The following CACNA1E variants were observed in gnomAD, a reference collection of about 807,000 sequenced individuals.
CACNA1E encodes the protein voltage-dependent R-type calcium channel subunit alpha-1E.
CACNA1E carries 40 observed loss-of-function variants against 259.2 expected under a neutral mutation model. That is an observed-to-expected ratio of 0.15 (90% CI 0.12 to 0.20). The LOEUF (loss-of-function observed/expected upper bound fraction) is 0.20. CACNA1E is among the 10% of genes least tolerant of loss of function. CACNA1E has a pLI of 1.00. For synonymous variants in CACNA1E, 1,104 were observed against 1,138.5 expected, an observed-to-expected ratio of 0.97 and a Z score of 0.61; for missense variants, 1,874 against 3,040.1, an observed-to-expected ratio of 0.62 and a Z score of 9.02.
Position 181,794,933 on chromosome 1 carries a change from T to G in CACNA1E, c.6097T>G (p.Trp2033Gly). 6.2e-7 allele frequency: 1 copy of G among 1,613,718 alleles called. No homozygotes were observed. The highest frequency in any genetic ancestry group is 8.5e-7 in the Non-Finnish European group (1 of 1,179,654). ...TIRDKRSNSSWLEEFSMERSS... is the reference protein window; with the variant it reads ...TIRDKRSNSSGLEEFSMERSS... The stretch of plus-strand genomic sequence containing the variant: ...TCGGGATAAGCGTTCAAATTCCTCG[T>G]GGTTGGAGGAATTCTCCATGGAGCG... The change falls in exon 46 of 48, where the codon TGG becomes GGG. Residue 2033 changes from tryptophan (W) to glycine (G), a missense_variant. Around this residue, in one of 14 missense-constraint regions of CACNA1E, gnomAD observed 542 missense variants for 587.2 expected, o/e 0.92. Coordinates refer to ENST00000367573, the MANE Select transcript of CACNA1E (RefSeq NM_001205293.3).
chr1:181,480,364 CCTTTTAACTCACATAGGTG>C (rs1174680360), upstream of CACNA1E, among the ~76,000 whole-genome samples: 11 of 152,186 alleles, frequency 7.2e-5, no homozygotes, highest in African/African-American at 2.7e-4. Flanking sequence ...AAGAATTATC[CCTTTTAACTCACATAGGTG>C]CTGAAACTCC....
At chr1:181,573,444 A>G (rs1331250613) in intron 3 of CACNA1E, among the ~76,000 whole-genome samples, 1 of 152,188 alleles carries the variant, frequency 6.6e-6, no homozygotes, top group Non-Finnish European at 1.5e-5. Context: ...GTGTACTTCA[A>G]TACTTAAGCT....
chr1:181,686,592 C>A (rs1171234277), intron 7 of CACNA1E, among the ~76,000 whole-genome samples: 1 of 152,090 alleles, frequency 6.6e-6, no homozygotes, highest in Non-Finnish European at 1.5e-5. Flanking sequence ...TGGCCAGAGC[C>A]AAGTTTTTTA....
intron 3 of CACNA1E, among the ~76,000 whole-genome samples, chr1:181,561,678 T>C (rs1649341552): frequency 6.6e-6 from 1 of 152,240 alleles, no homozygotes; most frequent in South Asian, 2.1e-4. Flanking sequence ...ATTTGTTTAT[T>C]CACCAATCGA....
At chr1:181,382,642 C>A (rs1010257716) in intron 1 of CACNA1E, among the ~76,000 whole-genome samples, 5 of 152,180 alleles carry the variant, frequency 3.3e-5, no homozygotes, top group African/African-American at 1.2e-4. Context: ...TACTCCTTGA[C>A]CAACCACCTT....
intron 6 of CACNA1E, among the ~76,000 whole-genome samples, chr1:181,613,647 G>A (rs1034152857): frequency 6.6e-6 from 1 of 152,074 alleles, no homozygotes; most frequent in African/African-American, 2.4e-5. Context: ...CAACTTTATG[G>A]GTACTTTATC....
chr1:181,318,629 C>T (rs1328995540), intron 1 of CACNA1E, among the ~76,000 whole-genome samples: 2 of 152,176 alleles, frequency 1.3e-5, no homozygotes, highest in Non-Finnish European at 2.9e-5. Flanking sequence ...TCCCCGGCTT[C>T]GGGAAGTTTT....
intron 1 of CACNA1E, among the ~76,000 whole-genome samples, chr1:181,493,806 G>C (rs530279101): frequency 2.6e-4 from 40 of 152,346 alleles, no homozygotes; most frequent in African/African-American, 9.4e-4. Flanking sequence ...GGGAATACAT[G>C]ATGAGTCAGA....
chr1:181,764,784 C>CTT (rs201508868), intron 34 of CACNA1E, among the ~76,000 whole-genome samples: 4 of 148,348 alleles, frequency 2.7e-5, no homozygotes, highest in Non-Finnish European at 4.5e-5. Flanking sequence ...CTTTTAAAAC[C>CTT]TTTTTTTTTT....
At chr1:181,539,409 A>G (rs1668415743) in intron 3 of CACNA1E, among the ~76,000 whole-genome samples, 1 of 152,232 alleles carries the variant, frequency 6.6e-6, no homozygotes, top group Non-Finnish European at 1.5e-5. Flanking sequence ...GAATGAATGA[A>G]TGGCAGATAT....
intron 6 of CACNA1E, among the ~76,000 whole-genome samples, chr1:181,583,788 C>T (rs1331470564): frequency 6.6e-6 from 1 of 152,082 alleles, no homozygotes; most frequent in African/African-American, 2.4e-5. Flanking sequence ...ACTGCTTGGT[C>T]AAACTCCAAC....
chr1:181,439,518 C>T (rs1660313127), intron 2 of CACNA1E, among the ~76,000 whole-genome samples: 1 of 152,054 alleles, frequency 6.6e-6, no homozygotes, highest in South Asian at 2.1e-4. Context: ...GAGGATGAAC[C>T]CCTTAAGGAC....
In CACNA1E at chr1:181,751,904, T is replaced by C. The variant is rs1657632260; in HGVS notation, c.3732-239T>C. The C allele has an allele frequency of 1.1e-5, 7 of 651,856 alleles. No homozygotes were observed. In the Admixed American group the frequency reaches 1.5e-4, roughly 14 times the overall value. 40.4% of individuals were successfully genotyped at this position (651,856 alleles called of 1,614,324 possible). A position where few individuals can be genotyped will look rare whatever the true frequency, so the allele number is the denominator to read the frequency against. On this transcript the variant is annotated intron_variant, in intron 26 of 47. Transcript: ENST00000367573. ...TCCTCTGTGTGTGTATATATGAGTGTGTACGTGCATGTGGATGTGTGTTCA... is the reference window on the plus strand; with the variant it reads ...TCCTCTGTGTGTGTATATATGAGTGCGTACGTGCATGTGGATGTGTGTTCA...
chr1:181,636,574 A>G (rs1657233239), intron 6 of CACNA1E, among the ~76,000 whole-genome samples: 1 of 152,206 alleles, frequency 6.6e-6, no homozygotes, highest in South Asian at 2.1e-4. Context: ...AGAGAATTCC[A>G]AAACAGGCCT....
intron 1 of CACNA1E, among the ~76,000 whole-genome samples, chr1:181,488,872 A>G (rs1664073011): frequency 6.6e-6 from 1 of 152,180 alleles, no homozygotes; most frequent in Non-Finnish European, 1.5e-5. Flanking sequence ...ATCTCTTTAT[A>G]GCACTGCTGT....
At chr1:181,714,353 G>A (rs1170106964) in intron 8 of CACNA1E, among the ~76,000 whole-genome samples, 1 of 152,160 alleles carries the variant, frequency 6.6e-6, no homozygotes, top group Admixed American at 6.5e-5. Context: ...GGAGCACAGA[G>A]CTTCATGTCC....
At chr1:181,477,354 T>C (rs4652656) in intron 2 of CACNA1E, among the ~76,000 whole-genome samples, 46,942 of 152,108 alleles carry the variant, frequency 0.31, 7,857 homozygotes, top group Admixed American at 0.41. Flanking sequence ...TTCGAGCCCT[T>C]TGTGGGTATG....
intron 1 of CACNA1E, among the ~76,000 whole-genome samples, chr1:181,377,157 G>A (rs1459377342): frequency 6.6e-6 from 1 of 152,218 alleles, no homozygotes; most frequent in Non-Finnish European, 1.5e-5. Flanking sequence ...ATGGACAGTT[G>A]TTACCAAAGG....
At chr1:181,715,251 G>A in intron 8 of CACNA1E, 87 bp from the exon 9 acceptor site, 1 of 788,804 alleles carries the variant, frequency 1.3e-6, no homozygotes, top group East Asian at 2.7e-5. Flanking sequence ...CTGTTGCCCT[G>A]AGCTGAAGTT....
Sources: allele counts gnomAD v4.1 joint callset (sites outside exome capture counted in the v4.1 genomes callset), GRCh38; gene constraint gnomAD v4.1.1; regional missense constraint gnomAD v4.1.1; transcripts MANE v1.5; gene names NCBI Gene and HGNC (gene_info 2026-07-23, HGNC 2026-07-21).